The following DPYD variants were observed in gnomAD, a reference collection of about 807,000 sequenced individuals.
DPYD encodes dihydropyrimidine dehydrogenase [NADP(+)].
A neutral mutation model predicts 116.2 loss-of-function variants in DPYD; 109 were observed. That is an observed-to-expected ratio of 0.94 (90% CI 0.80 to 1.10). The LOEUF (loss-of-function observed/expected upper bound fraction) is 1.10. Among genes scored for constraint, DPYD ranks in the 50% least tolerant of loss-of-function variants. The probability of loss-of-function intolerance (pLI) is 0.00; values close to 1 mark genes in which losing one functional copy is unlikely to be tolerated. For missense variants in DPYD, 1,302 were observed against 1,254.5 expected, an observed-to-expected ratio of 1.04 and a Z score of -0.57; for synonymous variants, 440 against 432.0, an observed-to-expected ratio of 1.02 and a Z score of -0.23.
intron 13 of DPYD, among the ~76,000 whole-genome samples, chr1:97,457,529 C>A (rs972899887): frequency 5.9e-5 from 9 of 152,050 alleles, no homozygotes; most frequent in Non-Finnish European, 1.3e-4. Flanking sequence ...ATCCGGATAA[C>A]CATCACTCTG....
chr1:97,287,787 T>G (rs4266934), intron 18 of DPYD, among the ~76,000 whole-genome samples: 90,292 of 151,804 alleles, frequency 0.59, 27,073 homozygotes, highest in South Asian at 0.71. Flanking sequence ...TCGGAAACTC[T>G]CAGTATTAGG....
At chr1:97,556,755 T>G (rs1386210386) in intron 11 of DPYD, among the ~76,000 whole-genome samples, 1 of 150,630 alleles carries the variant, frequency 6.6e-6, no homozygotes, top group Non-Finnish European at 1.5e-5. Flanking sequence ...CAGTCTATCA[T>G]TGTTGGACAT....
chr1:97,725,048 T>A (rs1013222847), intron 4 of DPYD, among the ~76,000 whole-genome samples: 1 of 151,438 alleles, frequency 6.6e-6, no homozygotes, highest in Non-Finnish European at 1.5e-5. Context: ...ATCTTGTATA[T>A]ACAAACCCTA....
intron 13 of DPYD, among the ~76,000 whole-genome samples, chr1:97,464,308 G>T (rs1038462185): frequency 2.1e-5 from 3 of 145,844 alleles, no homozygotes; most frequent in Non-Finnish European, 4.6e-5. Context: ...TTTCAACCTG[G>T]CAATGAGATA....
intron 14 of DPYD, among the ~76,000 whole-genome samples, chr1:97,393,430 C>G (rs976714209): frequency 2.0e-5 from 3 of 151,884 alleles, no homozygotes; most frequent in African/African-American, 4.8e-5. Flanking sequence ...TCTCCTAATG[C>G]TATCCCTCCC....
At chr1:97,436,391 A>C (rs1675474633) in intron 14 of DPYD, among the ~76,000 whole-genome samples, 2 of 152,010 alleles carry the variant, frequency 1.3e-5, no homozygotes, top group African/African-American at 4.8e-5. Context: ...TAAGCAATTT[A>C]TAAATTGTTT....
intron 2 of DPYD, among the ~76,000 whole-genome samples, chr1:97,882,576 T>C (rs1672284690): frequency 6.6e-6 from 1 of 152,082 alleles, no homozygotes; most frequent in Admixed American, 6.6e-5. Flanking sequence ...GACATTTCTT[T>C]CAAAATTTAA....
chr1:97,323,766 G>C (rs1055134252), intron 16 of DPYD, among the ~76,000 whole-genome samples: 10 of 148,986 alleles, frequency 6.7e-5, no homozygotes, highest in Admixed American at 5.4e-4. Flanking sequence ...CAAATCCACA[G>C]AGAACAACAC....
At chr1:97,830,233 T>C (rs2101489761) in intron 2 of DPYD, among the ~76,000 whole-genome samples, 1 of 152,318 alleles carries the variant, frequency 6.6e-6, no homozygotes, top group Non-Finnish European at 1.5e-5. Context: ...CTGCAATTTT[T>C]AACTTTACTT....
At chr1:97,720,697 T>C (rs1189822748) in intron 5 of DPYD, 2 of 1,397,896 alleles carry the variant, frequency 1.4e-6, no homozygotes, top group African/African-American at 3.0e-5. Context: ...GATCAGTAAG[T>C]CATTAACTAA....
chr1:97,825,742 G>T (rs1242729714), intron 3 of DPYD, among the ~76,000 whole-genome samples: 1 of 151,874 alleles, frequency 6.6e-6, no homozygotes. Flanking sequence ...TGCACGTTGT[G>T]CACATGTACC....
At chr1:97,861,130 A>G (rs1255343451) in intron 2 of DPYD, among the ~76,000 whole-genome samples, 1 of 152,068 alleles carries the variant, frequency 6.6e-6, no homozygotes, top group African/African-American at 2.4e-5. Context: ...ATACACCGCA[A>G]AAAATAGACA....
intron 16 of DPYD, among the ~76,000 whole-genome samples, chr1:97,324,208 T>A (rs1668592917): frequency 6.6e-6 from 1 of 151,964 alleles, no homozygotes; most frequent in Admixed American, 6.6e-5. Context: ...CCATAAGCCA[T>A]CTTGTATCCT....
At chr1:97,277,579 T>C (rs531871728) in intron 18 of DPYD, among the ~76,000 whole-genome samples, 1 of 152,280 alleles carries the variant, frequency 6.6e-6, no homozygotes, top group Admixed American at 6.5e-5. Context: ...CCCTTTCCTC[T>C]TGTATCACAC....
chr1:97,547,245 C>T lies in DPYD; in HGVS notation c.1524+2315G>A, dbSNP rs181551362. Among the ~76,000 whole-genome samples, 128 of 152,110 alleles carry T rather than the reference C, an allele frequency of 8.4e-4. 1 individual carries two copies. Among genetic ancestry groups the T allele is most frequent in the African/African-American group, 2.9e-3 (119 of 41,492 alleles). ...ATTATTAAAAAAAACTGTGAAATTA[C>T]TCTGAAAATAAGAGTAGAATGAGAA... is the stretch of plus-strand genomic sequence containing the variant. On this transcript the variant is annotated intron_variant, in intron 12 of 22. Transcript: ENST00000370192.
chr1:97,307,560 G>T (rs1235401161), intron 16 of DPYD, among the ~76,000 whole-genome samples: 1 of 151,742 alleles, frequency 6.6e-6, no homozygotes, highest in East Asian at 1.9e-4. Flanking sequence ...TCTGTTGATT[G>T]TTATCATCTC....
At chr1:97,367,699 A>C (rs1016689360) in intron 16 of DPYD, among the ~76,000 whole-genome samples, 1 of 152,128 alleles carries the variant, frequency 6.6e-6, no homozygotes, top group African/African-American at 2.4e-5. Context: ...TGAACTTTCT[A>C]TCCAAAGAAA....
intron 11 of DPYD, among the ~76,000 whole-genome samples, chr1:97,565,095 C>T (rs1293092078): frequency 6.6e-6 from 1 of 152,042 alleles, no homozygotes; most frequent in African/African-American, 2.4e-5. Context: ...TTCTCAGTCG[C>T]CCCTGATACT....
At chr1:97,187,033 C>A (rs1388164973) in intron 20 of DPYD, among the ~76,000 whole-genome samples, 3 of 152,012 alleles carry the variant, frequency 2.0e-5, no homozygotes, top group African/African-American at 7.2e-5. Context: ...ATAGTGCTGC[C>A]ATAAACATAT....
Sources: gnomAD v4.1 joint callset for allele counts (sites outside exome capture counted in the v4.1 genomes callset) on GRCh38, gnomAD v4.1.1 for gene constraint, MANE v1.5 for transcripts, NCBI Gene and HGNC (gene_info 2026-07-23, HGNC 2026-07-21) for gene names.